The following FOXP1 variants were observed in gnomAD, a reference collection of about 807,000 sequenced individuals.
FOXP1 encodes forkhead box protein P1.
FOXP1 carries 15 observed loss-of-function variants against 98.2 expected under a neutral mutation model. The observed-to-expected ratio is 0.15, with a 90% confidence interval of 0.10 to 0.24. FOXP1 has a LOEUF of 0.24. Ranked by LOEUF, FOXP1 falls within the 10% of genes least tolerant of loss-of-function variation. The pLI, the probability that FOXP1 is intolerant of heterozygous loss-of-function variation, is 1.00. For missense variants in FOXP1, 633 were observed against 848.5 expected (o/e 0.75, Z 3.15); for synonymous variants, 371 against 314.5 (o/e 1.18, Z -1.90).
chr3:71,487,045 TG>T (rs954526770), intron 3 of FOXP1, among the ~76,000 whole-genome samples: 1 of 152,070 alleles, frequency 6.6e-6, no homozygotes, highest in Non-Finnish European at 1.5e-5. Flanking sequence ...AGTGAAAGTC[TG>T]GGTTTGGCTC....
At chr3:71,414,607 T>C (rs1025607023) in intron 3 of FOXP1, among the ~76,000 whole-genome samples, 2 of 152,220 alleles carry the variant, frequency 1.3e-5, no homozygotes, top group East Asian at 3.8e-4. Flanking sequence ...CAAGGGATAT[T>C]CTAACATGGC....
Position 71,359,244 on chromosome 3 carries a change from G to A in FOXP1, c.-167C>T, listed in dbSNP as rs761468964. On this transcript the variant is annotated splice_region_variant and 5_prime_UTR_variant, in exon 4 of 21. Coordinates refer to ENST00000649528, the MANE Select transcript of FOXP1 (RefSeq NM_001349338.3). ...ACAGGACTGCAACACACAGAGGGAA[G>A]CTGAAAGCAAAAAGAAAAGAAGAGG... 1.3e-5 allele frequency: 2 copies of A among 152,176 alleles called. No individual in the cohort carries two copies. Among genetic ancestry groups the A allele is most frequent in the Non-Finnish European group, 2.9e-5 (2 of 68,042 alleles). The allele number at this position is 152,176 out of a possible 1,614,324, so 9.4% of individuals were successfully genotyped here. A position where few individuals can be genotyped will look rare whatever the true frequency, so the allele number is the denominator to read the frequency against.
chr3:71,430,537 G>A (rs145287808), intron 3 of FOXP1, among the ~76,000 whole-genome samples: 1 of 151,150 alleles, frequency 6.6e-6, no homozygotes, highest in Non-Finnish European at 1.5e-5. Flanking sequence ...GGAGTCATCC[G>A]CATGTTACTT....
At chr3:71,277,215 T>C (rs189749010) in intron 5 of FOXP1, among the ~76,000 whole-genome samples, 1 of 151,386 alleles carries the variant, frequency 6.6e-6, no homozygotes, top group East Asian at 1.9e-4. Flanking sequence ...GACTCAGCCT[T>C]CCAAAGTGCT....
At chr3:71,328,831 C>T (rs1278894983) in intron 4 of FOXP1, among the ~76,000 whole-genome samples, 2 of 151,860 alleles carry the variant, frequency 1.3e-5, no homozygotes, top group Non-Finnish European at 1.5e-5. Flanking sequence ...AATTAGCCGA[C>T]GTGGTGGTGC....
At chr3:71,410,740 AAT>A (rs1344014463) in intron 3 of FOXP1, among the ~76,000 whole-genome samples, 3 of 152,226 alleles carry the variant, frequency 2.0e-5, no homozygotes, top group Non-Finnish European at 4.4e-5. Context: ...CTTCAAGTGG[AAT>A]AGGCTTTGTT....
intron 18 of FOXP1, chr3:70,971,472 TA>T (rs965156675): frequency 2.0e-5 from 3 of 153,718 alleles, no homozygotes; most frequent in Non-Finnish European, 2.9e-5. Context: ...ATAAAAATAT[TA>T]AAAAATTACA....
intron 5 of FOXP1, among the ~76,000 whole-genome samples, chr3:71,268,553 G>C (rs1212315861): frequency 7.8e-6 from 1 of 128,818 alleles, no homozygotes; most frequent in Non-Finnish European, 1.6e-5. Flanking sequence ...CCATCACTTT[G>C]AGAAAAACAA....
intron 13 of FOXP1, 68 bp downstream of exon 13, chr3:71,000,904 C>A: frequency 1.0e-6 from 1 of 992,336 alleles, no homozygotes; most frequent in Non-Finnish European, 1.6e-6. Context: ...GAACTCATTA[C>A]AGAACACTAC....
chr3:71,201,985 T>C (rs2063707735), intron 5 of FOXP1, among the ~76,000 whole-genome samples: 1 of 152,214 alleles, frequency 6.6e-6, no homozygotes, highest in Non-Finnish European at 1.5e-5. Flanking sequence ...GCTTTCAGAC[T>C]ATGTGACCAT....
At chr3:71,385,919 A>G (rs574893775) in intron 3 of FOXP1, among the ~76,000 whole-genome samples, 68 of 152,172 alleles carry the variant, frequency 4.5e-4, no homozygotes, top group Middle Eastern at 3.4e-3. Flanking sequence ...TTCAATGTGT[A>G]TTTCATCACC....
chr3:71,492,120 T>C (rs541748594), intron 3 of FOXP1, among the ~76,000 whole-genome samples: 1 of 152,264 alleles, frequency 6.6e-6, no homozygotes, highest in African/African-American at 2.4e-5. Context: ...ATAACACTGA[T>C]AGGATAGGAT....
intron 10 of FOXP1, among the ~76,000 whole-genome samples, chr3:71,044,301 G>A (rs1033162213): frequency 6.6e-6 from 1 of 152,196 alleles, no homozygotes; most frequent in Non-Finnish European, 1.5e-5. Flanking sequence ...AGCCAAGCAT[G>A]TAATTTTCTG....
intron 2 of FOXP1, among the ~76,000 whole-genome samples, chr3:71,509,815 A>C (rs2042072904): frequency 6.6e-6 from 1 of 152,180 alleles, no homozygotes; most frequent in African/African-American, 2.4e-5. Flanking sequence ...CAGGAGTTTC[A>C]GATTGCAATG....
At chr3:70,997,403 T>C (rs1429745072) in intron 13 of FOXP1, among the ~76,000 whole-genome samples, 1 of 152,196 alleles carries the variant, frequency 6.6e-6, no homozygotes, top group Admixed American at 6.5e-5. Flanking sequence ...CTATAAAGAA[T>C]AGATTCGAGT....
At chr3:71,495,128 T>A (rs2091318537) in intron 2 of FOXP1, among the ~76,000 whole-genome samples, 1 of 152,186 alleles carries the variant, frequency 6.6e-6, no homozygotes, top group Non-Finnish European at 1.5e-5. Flanking sequence ...TCCTTTTGTT[T>A]CAAGCAAGGC....
chr3:71,232,877 C>CAAAACA (rs528237968), intron 5 of FOXP1, among the ~76,000 whole-genome samples: 1 of 31,422 alleles, frequency 3.2e-5, no homozygotes, highest in Admixed American at 5.2e-4. Context: ...AACTCTGTCT[C>CAAAACA]AAAAAAAAAA....
At chr3:71,295,285 C>T (rs2073169989) in intron 5 of FOXP1, among the ~76,000 whole-genome samples, 2 of 152,126 alleles carry the variant, frequency 1.3e-5, no homozygotes. Context: ...ATGGGTTTAG[C>T]TCAGAATTGC....
chr3:71,345,785 T>C (rs1354019148), intron 4 of FOXP1, among the ~76,000 whole-genome samples: 1 of 146,732 alleles, frequency 6.8e-6, no homozygotes, highest in Admixed American at 7.2e-5. Context: ...GGGGAGCTGG[T>C]CCTGAAATAC....
Sources: allele counts gnomAD v4.1 joint callset (sites outside exome capture counted in the v4.1 genomes callset), GRCh38; gene constraint gnomAD v4.1.1; transcripts MANE v1.5; gene names NCBI Gene and HGNC (gene_info 2026-07-23, HGNC 2026-07-21).